Variants in ASIC2 observed in about 807,000 individuals in gnomAD.
The protein encoded by ASIC2 is acid sensing ion channel subunit 2.
Under a neutral mutation model 57.3 loss-of-function variants are expected in ASIC2, and 25 were observed. That is an observed-to-expected ratio of 0.44 (90% confidence interval 0.32 to 0.61). The LOEUF is 0.61. Ranked by LOEUF, ASIC2 falls within the 20% of genes least tolerant of loss-of-function variation. ASIC2 has a pLI of 0.06. For missense variants in ASIC2, 641 were observed against 738.1 expected (o/e 0.87, Z 1.52); for synonymous variants, 319 against 307.5 (o/e 1.04, Z -0.39).
At chr17:34,105,197 G>A (rs8073952) in intron 1 of ASIC2, among the ~76,000 whole-genome samples, 26,923 of 151,848 alleles carry the variant, frequency 0.18, 2,989 homozygotes, top group African/African-American at 0.32. Flanking sequence ...GACTCAAGGC[G>A]TTTGCTCATT....
intron 1 of ASIC2, among the ~76,000 whole-genome samples, chr17:33,835,892 C>T (rs542654253): frequency 6.6e-6 from 1 of 151,358 alleles, no homozygotes; most frequent in African/African-American, 2.4e-5. Context: ...AAGTGATCCA[C>T]CTGCCTCAGG....
intron 1 of ASIC2, among the ~76,000 whole-genome samples, chr17:33,729,582 A>G (rs973915495): frequency 6.6e-6 from 1 of 152,228 alleles, no homozygotes; most frequent in Admixed American, 6.5e-5. Context: ...CACAGAGTCC[A>G]GAGCCAGATT....
At chr17:34,141,031 G>T (rs1912258325) in intron 1 of ASIC2, among the ~76,000 whole-genome samples, 2 of 152,110 alleles carry the variant, frequency 1.3e-5, no homozygotes, top group African/African-American at 4.8e-5. Flanking sequence ...CTCCAGATAG[G>T]CTATGATGAG....
chr17:33,345,836 G>C (rs1057128809), intron 1 of ASIC2, among the ~76,000 whole-genome samples: 1 of 152,130 alleles, frequency 6.6e-6, no homozygotes, highest in African/African-American at 2.4e-5. Flanking sequence ...AGGAATGAAA[G>C]GCACCAAAAA....
At chr17:33,015,864 G>A (rs1379710769) in intron 9 of ASIC2, 107 bp downstream of exon 9, 1 of 1,160,282 alleles carries the variant, frequency 8.6e-7, no homozygotes, top group East Asian at 2.4e-5. Flanking sequence ...GCCATGGAAA[G>A]GTGTGCAGTG....
chr17:33,392,791 G>A (rs1909947516), intron 1 of ASIC2, among the ~76,000 whole-genome samples: 1 of 152,132 alleles, frequency 6.6e-6, no homozygotes, highest in Non-Finnish European at 1.5e-5. Flanking sequence ...AGCTATAATG[G>A]TTTGGATATC....
At chr17:33,353,861 CT>C (rs1258173698) in intron 1 of ASIC2, among the ~76,000 whole-genome samples, 1 of 152,152 alleles carries the variant, frequency 6.6e-6, no homozygotes, top group Non-Finnish European at 1.5e-5. Flanking sequence ...TCCATCAAGG[CT>C]ATACTTGCCA....
chr17:33,054,533 C>T (rs2091990355), intron 3 of ASIC2, among the ~76,000 whole-genome samples: 1 of 152,180 alleles, frequency 6.6e-6, no homozygotes, highest in African/African-American at 2.4e-5. Flanking sequence ...CAGAGTTTTT[C>T]CTGTGTGTGA....
Position 33,014,094 on chromosome 17 carries a change from A to G in ASIC2, c.1591-28T>C, listed in dbSNP as rs369872400. ...GGAAGGGAAGGGTTGGTGGGAGTTTATTATTCGCTCAGCAAAAATTCTTCA... is the reference window on the plus strand; with the variant it reads ...GGAAGGGAAGGGTTGGTGGGAGTTTGTTATTCGCTCAGCAAAAATTCTTCA... On this transcript the variant is annotated intron_variant, in intron 9 of 9. Coordinates refer to ENST00000225823, the MANE Select transcript of ASIC2 (RefSeq NM_183377.2). 5.2e-6 allele frequency: 8 copies of G among 1,540,708 alleles called. No individual in the cohort carries two copies. The African/African-American group carries it at 1.1e-4, about 21-fold the overall frequency.
At chr17:33,305,480 G>T (rs766073506) in intron 1 of ASIC2, among the ~76,000 whole-genome samples, 1 of 152,182 alleles carries the variant, frequency 6.6e-6, no homozygotes, top group East Asian at 1.9e-4. Flanking sequence ...GGCTTAAGAC[G>T]TAAGAATACT....
chr17:33,146,227 C>T (rs546440719), intron 1 of ASIC2, among the ~76,000 whole-genome samples: 26 of 152,318 alleles, frequency 1.7e-4, no homozygotes, highest in African/African-American at 4.3e-4. Context: ...ACCCACAGGA[C>T]AGTTGAATGA....
intron 1 of ASIC2, among the ~76,000 whole-genome samples, chr17:34,089,709 CAA>C (rs1004211411): frequency 6.6e-6 from 1 of 152,166 alleles, no homozygotes; most frequent in African/African-American, 2.4e-5. Flanking sequence ...TCACTCTCTT[CAA>C]AGACTCATTT....
At position 33,293,156 on chromosome 17, in the gene ASIC2, C is replaced by G. The variant is rs1905576912; in HGVS notation, c.-1041G>C. ...CTCGAGACTCCGAGCTCGCGGTGGC[C>G]GTGACGCCGGCTAAGCTCCTTCCCC... On this transcript the variant is annotated 5_prime_UTR_variant, in exon 1 of 10. Transcript: ENST00000225823. 6.6e-6 allele frequency among the ~76,000 whole-genome samples: 1 copy of G among 152,350 alleles called. No homozygotes were observed. The highest frequency in any genetic ancestry group is 2.4e-5 in the African/African-American group (1 of 41,576).
chr17:34,080,055 T>C (rs1909821013), intron 1 of ASIC2, among the ~76,000 whole-genome samples: 2 of 152,226 alleles, frequency 1.3e-5, no homozygotes, highest in Non-Finnish European at 1.5e-5. Flanking sequence ...TTAGCTAAAG[T>C]GGACTCTATG....
intron 1 of ASIC2, among the ~76,000 whole-genome samples, chr17:33,270,394 C>G (rs370889917): frequency 1.3e-5 from 2 of 152,152 alleles, no homozygotes; most frequent in East Asian, 1.9e-4. Context: ...ACCTGCACCC[C>G]CTTCTATCCT....
At chr17:33,112,135 C>T (rs559883232) in intron 1 of ASIC2, 68 bp from the exon 2 acceptor site, 19 of 1,493,700 alleles carry the variant, frequency 1.3e-5, no homozygotes, top group Non-Finnish European at 1.5e-5. Context: ...CAGAGATTGG[C>T]GAGACCCCAG....
chr17:33,515,333 G>A (rs1053858963), intron 1 of ASIC2, among the ~76,000 whole-genome samples: 2 of 152,112 alleles, frequency 1.3e-5, no homozygotes, highest in Non-Finnish European at 2.9e-5. Flanking sequence ...CCTATGGGGC[G>A]CTCAGGTGGG....
At chr17:33,951,970 G>C (rs1013685618) in intron 1 of ASIC2, among the ~76,000 whole-genome samples, 1 of 152,070 alleles carries the variant, frequency 6.6e-6, no homozygotes, top group Non-Finnish European at 1.5e-5. Flanking sequence ...GGGGAGCACT[G>C]GTTACACACG....
At chr17:33,557,135 T>A (rs910438300) in intron 1 of ASIC2, among the ~76,000 whole-genome samples, 12 of 152,196 alleles carry the variant, frequency 7.9e-5, no homozygotes, top group African/African-American at 2.9e-4. Context: ...TTACTTCCTA[T>A]AATGTGGTAA....
Sources: gnomAD v4.1 joint callset for allele counts (sites outside exome capture counted in the v4.1 genomes callset) on GRCh38, gnomAD v4.1.1 for gene constraint, MANE v1.5 for transcripts, NCBI Gene and HGNC (gene_info 2026-07-23, HGNC 2026-07-21) for gene names.